Variants in TNRC6C observed in about 807,000 individuals in gnomAD.
TNRC6C encodes trinucleotide repeat-containing gene 6C protein.
Under a neutral mutation model 153.7 loss-of-function variants are expected in TNRC6C, and 20 were observed. The ratio of observed to expected loss-of-function variants is 0.13; its 90% CI spans 0.09 to 0.19. The LOEUF (loss-of-function observed/expected upper bound fraction) is 0.19, where lower values mean the gene tolerates loss of function less well. TNRC6C is among the 10% of genes least tolerant of loss of function. The pLI is 1.00. For synonymous variants in TNRC6C, 811 were observed against 841.4 expected (o/e 0.96, Z 0.63); for missense variants, 1,987 against 2,172.0 (o/e 0.91, Z 1.69).
intron 1 of TNRC6C, among the ~76,000 whole-genome samples, chr17:78,021,828 C>A (rs555359271): frequency 1.2e-4 from 18 of 152,248 alleles, no homozygotes; most frequent in African/African-American, 4.1e-4. Context: ...CCTCGGCCTC[C>A]CAAAGTGCTG....
chr17:77,975,352 G>A (rs2039281371), intron 1 of TNRC6C, among the ~76,000 whole-genome samples: 1 of 152,136 alleles, frequency 6.6e-6, no homozygotes, highest in South Asian at 2.1e-4. Context: ...TACAGCCACA[G>A]TCAAGATAAT....
intron 1 of TNRC6C, among the ~76,000 whole-genome samples, chr17:78,005,680 A>T (rs1188468257): frequency 6.6e-6 from 1 of 152,090 alleles, no homozygotes; most frequent in African/African-American, 2.4e-5. Context: ...ATGTTTAGTT[A>T]TTTCCCAGTG....
exon 3 of TNRC6C, chr17:78,050,426 A>G: frequency 6.2e-7 from 1 of 1,614,074 alleles, no homozygotes; most frequent in Non-Finnish European, 8.5e-7. Context: ...ACTCCTGTAA[A>G]GCAAAACACT....
chr17:78,077,640 C>T (rs1022041312), intron 9 of TNRC6C: 15 of 394,166 alleles, frequency 3.8e-5, no homozygotes, highest in East Asian at 1.7e-4. Flanking sequence ...CTTCGGCTGC[C>T]GGATGCATCC....
At chr17:78,094,270 G>C (rs2073443625) in intron 16 of TNRC6C, among the ~76,000 whole-genome samples, 1 of 151,882 alleles carries the variant, frequency 6.6e-6, no homozygotes, top group Admixed American at 6.6e-5. Flanking sequence ...TCATAGAAGT[G>C]CCATCTCTGA....
intron 3 of TNRC6C, among the ~76,000 whole-genome samples, chr17:78,059,439 G>A (rs974551563): frequency 6.6e-6 from 1 of 152,212 alleles, no homozygotes; most frequent in African/African-American, 2.4e-5. Flanking sequence ...TACGGAAGTA[G>A]GAAGAGATGC....
chr17:78,000,866 C>T (rs192920345), upstream of TNRC6C, among the ~76,000 whole-genome samples: 142 of 152,270 alleles, frequency 9.3e-4, no homozygotes, highest in African/African-American at 3.3e-3. Context: ...TAATTTGTAA[C>T]ATTTTTCATC....
exon 3 of TNRC6C, chr17:78,050,987 G>A (rs527801594): frequency 1.9e-6 from 3 of 1,613,938 alleles, no homozygotes; most frequent in Non-Finnish European, 2.5e-6. Flanking sequence ...AGTGGCTGGG[G>A]CAACAGCACA....
chr17:78,018,720 G>C (rs1400026378), intron 1 of TNRC6C, among the ~76,000 whole-genome samples: 6 of 152,146 alleles, frequency 3.9e-5, no homozygotes, highest in Non-Finnish European at 7.3e-5. Context: ...CAGGGCCAGG[G>C]ATCTCTCTTT....
intron 13 of TNRC6C, among the ~76,000 whole-genome samples, chr17:78,088,573 T>C (rs560206555): frequency 6.6e-6 from 1 of 152,264 alleles, no homozygotes; most frequent in South Asian, 2.1e-4. Flanking sequence ...CCTAGGTTTG[T>C]TTTAAAGATT....
intron 1 of TNRC6C, among the ~76,000 whole-genome samples, chr17:78,010,926 CAAAG>C (rs1489001491): frequency 6.6e-6 from 1 of 152,148 alleles, no homozygotes; most frequent in Non-Finnish European, 1.5e-5. Flanking sequence ...AATTGTGAAA[CAAAG>C]GAAGTGAGCC....
intron 1 of TNRC6C, among the ~76,000 whole-genome samples, chr17:77,974,567 T>G (rs952264020): frequency 6.6e-6 from 1 of 151,872 alleles, no homozygotes; most frequent in Non-Finnish European, 1.5e-5. Flanking sequence ...GCTTGAGAGA[T>G]CCTCCCACCT....
chr17:78,097,861 G>T, intron 16 of TNRC6C: 1 of 1,541,430 alleles, frequency 6.5e-7, no homozygotes, highest in Non-Finnish European at 8.8e-7. Flanking sequence ...TAGTGTTGCA[G>T]GTACGCGCCT....
chr17:78,070,358 A>G (rs1463788404), intron 5 of TNRC6C, among the ~76,000 whole-genome samples: 1 of 152,230 alleles, frequency 6.6e-6, no homozygotes, highest in African/African-American at 2.4e-5. Context: ...GGCAGGCTCA[A>G]TTGTGAAAAA....
intron 16 of TNRC6C, among the ~76,000 whole-genome samples, chr17:78,095,251 G>T (rs2073464403): frequency 6.6e-6 from 1 of 152,228 alleles, no homozygotes; most frequent in African/African-American, 2.4e-5. Context: ...GTGTGCCATG[G>T]TGTGAAGAAG....
At chr17:78,092,879 GTC>G in intron 14 of TNRC6C, 52 bp from the exon 17 acceptor site, 6 of 1,546,638 alleles carry the variant, frequency 3.9e-6, no homozygotes, top group South Asian at 2.4e-5. Flanking sequence ...ATCTTCTGGT[GTC>G]TCTCAACTGG....
At chr17:78,036,117 T>TA (rs1294762485) in intron 2 of TNRC6C, among the ~76,000 whole-genome samples, 2 of 152,216 alleles carry the variant, frequency 1.3e-5, no homozygotes, top group African/African-American at 4.8e-5. Flanking sequence ...CTTAGGAATT[T>TA]AGCAGTACAC....
rs1176570537 is a variant in TNRC6C at position 77,981,451 on chromosome 17, C to T, written c.-38+22183C>T. Among the ~76,000 whole-genome samples the T allele has an allele frequency of 1.3e-5, 2 of 152,294 alleles. 1 individual carries two copies. Among genetic ancestry groups the T allele is most frequent in the South Asian group, 4.1e-4 (2 of 4,824 alleles). On this transcript the variant is annotated intron_variant, in intron 1 of 22. Transcript: ENST00000636222. Reference sequence around the variant, plus strand: ...AGAGGCTGCCAGCTATCAGTCAACTCATTAGCATACAAAAAGACATTACTT... The same window carrying T: ...AGAGGCTGCCAGCTATCAGTCAACTTATTAGCATACAAAAAGACATTACTT...
chr17:77,969,720 C>G (rs76980605), intron 1 of TNRC6C, among the ~76,000 whole-genome samples: 4,336 of 151,788 alleles, frequency 0.029, 89 homozygotes, highest in South Asian at 0.056. Flanking sequence ...ATCTAGAATG[C>G]AGTGTAGGCA....
Sources: allele counts gnomAD v4.1 joint callset (sites outside exome capture counted in the v4.1 genomes callset), GRCh38; gene constraint gnomAD v4.1.1; transcripts MANE v1.5; gene names NCBI Gene and HGNC (gene_info 2026-07-23, HGNC 2026-07-21).